The following ZRANB3 variants were observed in gnomAD, a reference collection of about 807,000 sequenced individuals.
ZRANB3 encodes zinc finger RANBP2-type containing 3.
ZRANB3 carries 125 observed loss-of-function variants against 133.8 expected under a neutral mutation model. The ratio of observed to expected loss-of-function variants is 0.93; its 90% CI spans 0.81 to 1.08. ZRANB3 has a LOEUF of 1.08. ZRANB3 is among the 50% of genes least tolerant of loss of function. ZRANB3 has a pLI of 0.00. For missense variants in ZRANB3, 1,229 were observed against 1,275.5 expected (o/e 0.96, Z 0.56); for synonymous variants, 387 against 432.7 (o/e 0.89, Z 1.31).
intron 8 of ZRANB3, among the ~76,000 whole-genome samples, chr2:135,283,588 G>A (rs1486165883): frequency 1.3e-5 from 2 of 149,854 alleles, no homozygotes; most frequent in Non-Finnish European, 3.0e-5. Flanking sequence ...CTGCACTCCA[G>A]CCTGGTGACA....
At chr2:135,284,747 A>G (rs1681267937) in intron 8 of ZRANB3, among the ~76,000 whole-genome samples, 1 of 152,228 alleles carries the variant, frequency 6.6e-6, no homozygotes. Flanking sequence ...CTGGGATTAC[A>G]GGCGTGAGCC....
chr2:135,292,759 A>G (rs1285699498), intron 8 of ZRANB3, among the ~76,000 whole-genome samples: 1 of 152,142 alleles, frequency 6.6e-6, no homozygotes, highest in African/African-American at 2.4e-5. Flanking sequence ...TCCATCTTGA[A>G]TTAATTTTTG....
At chr2:135,271,000 G>A (rs2105119560) in intron 10 of ZRANB3, among the ~76,000 whole-genome samples, 1 of 152,180 alleles carries the variant, frequency 6.6e-6, no homozygotes, top group African/African-American at 2.4e-5. Context: ...TTTTTAGCAG[G>A]GCTACGTGGA....
At chr2:135,480,556 T>A (rs1262415160) in intron 2 of ZRANB3, among the ~76,000 whole-genome samples, 1 of 152,076 alleles carries the variant, frequency 6.6e-6, no homozygotes, top group African/African-American at 2.4e-5. Flanking sequence ...TACTATGAAA[T>A]CTTCTCTTAT....
intron 2 of ZRANB3, among the ~76,000 whole-genome samples, chr2:135,473,543 T>C (rs986266470): frequency 2.0e-5 from 3 of 147,784 alleles, no homozygotes; most frequent in Non-Finnish European, 1.5e-5. Context: ...GCTAGTAATA[T>C]GCTAAAAAAA....
At chr2:135,320,215 A>C (rs1683455369) in intron 6 of ZRANB3, among the ~76,000 whole-genome samples, 1 of 152,220 alleles carries the variant, frequency 6.6e-6, no homozygotes, top group South Asian at 2.1e-4. Flanking sequence ...TAAAAGTGAA[A>C]GATTCTGAAG....
At chr2:135,364,788 C>A (rs918286476) in intron 3 of ZRANB3, among the ~76,000 whole-genome samples, 2 of 152,054 alleles carry the variant, frequency 1.3e-5, no homozygotes, top group Non-Finnish European at 2.9e-5. Context: ...CGGTGGCTAA[C>A]GCCTGTAATC....
At chr2:135,526,304 C>T (rs1252829601) in intron 1 of ZRANB3, among the ~76,000 whole-genome samples, 1 of 151,882 alleles carries the variant, frequency 6.6e-6, no homozygotes, top group Non-Finnish European at 1.5e-5. Flanking sequence ...GCTGGGATTA[C>T]AGGTGCCCGC....
At chr2:135,313,753 A>G in intron 7 of ZRANB3, 148 bp from the exon 8 acceptor site, 1 of 518,060 alleles carries the variant, frequency 1.9e-6, no homozygotes, top group Non-Finnish European at 3.3e-6. Context: ...ATGTTCATTT[A>G]AAAACATCAA....
intron 3 of ZRANB3, among the ~76,000 whole-genome samples, chr2:135,361,201 G>A (rs1479796886): frequency 3.9e-5 from 6 of 152,180 alleles, no homozygotes; most frequent in African/African-American, 1.4e-4. Context: ...TCAAAGCCCT[G>A]GGCTCTAACA....
intron 1 of ZRANB3, among the ~76,000 whole-genome samples, chr2:135,508,800 T>A (rs572811480): frequency 6.6e-6 from 1 of 152,214 alleles, no homozygotes; most frequent in South Asian, 2.1e-4. Flanking sequence ...CCATATAGGT[T>A]TAATTGCTAC....
At chr2:135,286,624 T>C (rs1473152521) in intron 8 of ZRANB3, among the ~76,000 whole-genome samples, 1 of 152,166 alleles carries the variant, frequency 6.6e-6, no homozygotes, top group Non-Finnish European at 1.5e-5. Context: ...AGGAATAAGG[T>C]GGTATCGCAC....
chr2:135,362,287 A>G (rs1310811384), intron 3 of ZRANB3, among the ~76,000 whole-genome samples: 3 of 152,148 alleles, frequency 2.0e-5, no homozygotes, highest in Non-Finnish European at 4.4e-5. Flanking sequence ...AGAACAGACC[A>G]TATGGGTATG....
chr2:135,228,513 G>T (rs907068328), intron 13 of ZRANB3, among the ~76,000 whole-genome samples: 1 of 152,114 alleles, frequency 6.6e-6, no homozygotes, highest in Non-Finnish European at 1.5e-5. Flanking sequence ...AGAAATAAAG[G>T]ATCACTTTGG....
chr2:135,329,176 G>A (rs1159992072), intron 6 of ZRANB3, among the ~76,000 whole-genome samples: 1 of 152,202 alleles, frequency 6.6e-6, no homozygotes, highest in South Asian at 2.1e-4. Context: ...TTTCTTCTAG[G>A]GTTTTTATGG....
chr2:135,418,923 C>CTTTT (rs1558986938), intron 2 of ZRANB3, among the ~76,000 whole-genome samples: 3 of 114,336 alleles, frequency 2.6e-5, no homozygotes, highest in South Asian at 4.0e-4. Context: ...TAAGGATTCT[C>CTTTT]TCTTTTTTTT....
intron 1 of ZRANB3, among the ~76,000 whole-genome samples, chr2:135,526,169 T>A (rs1424121432): frequency 1.4e-5 from 2 of 148,098 alleles, no homozygotes; most frequent in Non-Finnish European, 1.5e-5. Context: ...TTTTTTTTTT[T>A]TTTTTTTTTT....
intron 8 of ZRANB3, among the ~76,000 whole-genome samples, chr2:135,276,332 T>C (rs1460191032): frequency 6.6e-6 from 1 of 151,952 alleles, no homozygotes; most frequent in African/African-American, 2.4e-5. Flanking sequence ...TGAGGTCATT[T>C]AGCTTATCTC....
chr2:135,496,384 TAAAAAAAAAAAAAAA>T (rs56770947), intron 2 of ZRANB3, among the ~76,000 whole-genome samples: 2 of 33,320 alleles, frequency 6.0e-5, no homozygotes, highest in South Asian at 1.1e-3. Context: ...AACTCCATCT[TAAAAAAAAAAAAAAA>T]AAAAAAAAAA....
Sources: gnomAD v4.1 joint callset for allele counts (sites outside exome capture counted in the v4.1 genomes callset) on GRCh38, gnomAD v4.1.1 for gene constraint, MANE v1.5 for transcripts, NCBI Gene and HGNC (gene_info 2026-07-23, HGNC 2026-07-21) for gene names.